Variants in SGCD observed in about 807,000 individuals in gnomAD.
SGCD encodes the protein delta-sarcoglycan.
In SGCD, 18 loss-of-function variants were observed where a neutral mutation model predicts 36.6. The observed-to-expected ratio is 0.49, with a 90% CI of 0.34 to 0.73. The LOEUF (loss-of-function observed/expected upper bound fraction) is 0.73, where lower values mean the gene tolerates loss of function less well. Ranked by LOEUF, SGCD falls within the 30% of genes least tolerant of loss-of-function variation. The pLI, the probability that SGCD is intolerant of heterozygous loss-of-function variation, is 0.01. For synonymous variants in SGCD, 133 were observed against 130.6 expected, an observed-to-expected ratio of 1.02 and a Z score of -0.12; for missense variants, 387 against 346.7, an observed-to-expected ratio of 1.12 and a Z score of -0.92.
intron 2 of SGCD, among the ~76,000 whole-genome samples, chr5:156,120,440 A>G (rs1174922087): frequency 6.6e-6 from 1 of 152,330 alleles, no homozygotes; most frequent in East Asian, 1.9e-4. Flanking sequence ...GGGCAACGTT[A>G]GGAAATTACA....
chr5:156,050,235 A>C, intron 1 of SGCD, among the ~76,000 whole-genome samples: 1 of 146,514 alleles, frequency 6.8e-6, no homozygotes, highest in Non-Finnish European at 1.5e-5. Flanking sequence ...AGAAATCGCC[A>C]CAGCAACCTT....
At chr5:156,167,740 G>A (rs996117213) in intron 3 of SGCD, among the ~76,000 whole-genome samples, 5 of 152,096 alleles carry the variant, frequency 3.3e-5, no homozygotes, top group South Asian at 2.1e-4. Context: ...ACCATAAGCC[G>A]AGGAAATAAA....
chr5:156,097,181 GT>G (rs1368270326), intron 1 of SGCD, among the ~76,000 whole-genome samples: 1 of 151,624 alleles, frequency 6.6e-6, no homozygotes, highest in Non-Finnish European at 1.5e-5. Flanking sequence ...TTTTGTTCTG[GT>G]TTTCTCTAGG....
At chr5:156,678,411 C>T (rs1246243915) in intron 7 of SGCD, among the ~76,000 whole-genome samples, 1 of 152,090 alleles carries the variant, frequency 6.6e-6, no homozygotes, top group Non-Finnish European at 1.5e-5. Flanking sequence ...TACAGTTGAC[C>T]TTATAACAGT....
intron 3 of SGCD, among the ~76,000 whole-genome samples, chr5:156,479,616 A>T (rs2127836925): frequency 6.6e-6 from 1 of 152,248 alleles, no homozygotes; most frequent in Non-Finnish European, 1.5e-5. Flanking sequence ...GTGGCATCTT[A>T]CCTATGCTCA....
At chr5:155,943,715 A>G (rs1217354691) in intron 1 of SGCD, among the ~76,000 whole-genome samples, 1 of 152,158 alleles carries the variant, frequency 6.6e-6, no homozygotes, top group Non-Finnish European at 1.5e-5. Flanking sequence ...GCTCAACCCT[A>G]CAGGAAGTGG....
chr5:156,739,074 G>A (rs1756528235), intron 7 of SGCD, among the ~76,000 whole-genome samples: 1 of 152,090 alleles, frequency 6.6e-6, no homozygotes, highest in African/African-American at 2.4e-5. Context: ...TTAAGAGGGG[G>A]AAACATCTAA....
At chr5:156,223,241 A>G (rs1439580703) in intron 3 of SGCD, among the ~76,000 whole-genome samples, 2 of 152,090 alleles carry the variant, frequency 1.3e-5, no homozygotes, top group African/African-American at 4.8e-5. Context: ...ATGACACAAG[A>G]TTGTGGAAAC....
chr5:156,658,711 T>C (rs1763788033), intron 7 of SGCD, among the ~76,000 whole-genome samples: 1 of 22,750 alleles, frequency 4.4e-5, no homozygotes, highest in African/African-American at 3.8e-4. Context: ...GCCATCATCA[T>C]CATGGCCCGT....
At chr5:155,975,616 T>TCC (rs1268190104) in intron 1 of SGCD, among the ~76,000 whole-genome samples, 2 of 62,100 alleles carry the variant, frequency 3.2e-5, no homozygotes, top group Non-Finnish European at 6.0e-5. Context: ...TTCCTTTTTT[T>TCC]TTTTTTTTTT....
At chr5:156,689,512 G>T (rs73302821) in intron 7 of SGCD, among the ~76,000 whole-genome samples, 4,020 of 152,202 alleles carry the variant, frequency 0.026, 179 homozygotes, top group African/African-American at 0.092. Context: ...GGGGGAAAGT[G>T]GTACTTGAGT....
At chr5:156,168,689 T>A (rs1763270377) in intron 3 of SGCD, among the ~76,000 whole-genome samples, 2 of 152,204 alleles carry the variant, frequency 1.3e-5, no homozygotes. Flanking sequence ...CTAATAATCC[T>A]CGTAGAGAGC....
chr5:156,621,344 C>CA (rs1187901958), intron 6 of SGCD, among the ~76,000 whole-genome samples: 1 of 152,108 alleles, frequency 6.6e-6, no homozygotes, highest in Non-Finnish European at 1.5e-5. Context: ...GGTGTGCTAC[C>CA]ACCATGCCCA....
chr5:156,189,080 C>A (rs564102658), intron 3 of SGCD, among the ~76,000 whole-genome samples: 3 of 152,290 alleles, frequency 2.0e-5, no homozygotes, highest in South Asian at 2.1e-4. Flanking sequence ...CCAGGGGAAG[C>A]TTTCGCTTGA....
chr5:155,959,896 A>G (rs1757756060), intron 1 of SGCD, among the ~76,000 whole-genome samples: 2 of 152,110 alleles, frequency 1.3e-5, no homozygotes, highest in Admixed American at 1.3e-4. Context: ...TTTCAAGGTT[A>G]CATGCTAGTC....
intron 4 of SGCD, among the ~76,000 whole-genome samples, chr5:156,576,993 A>G (rs1031005520): frequency 3.3e-5 from 5 of 152,134 alleles, no homozygotes; most frequent in African/African-American, 1.2e-4. Context: ...GTCCTTGCCC[A>G]TGCCTATTTC....
intron 3 of SGCD, among the ~76,000 whole-genome samples, chr5:156,465,786 T>C (rs967339209): frequency 2.0e-5 from 3 of 152,204 alleles, no homozygotes; most frequent in Admixed American, 6.5e-5. Flanking sequence ...GGAAGTTGGA[T>C]AGAGATTTGG....
At chr5:156,567,658 A>T (rs1269472479) in intron 4 of SGCD, among the ~76,000 whole-genome samples, 2 of 152,194 alleles carry the variant, frequency 1.3e-5, no homozygotes, top group Non-Finnish European at 2.9e-5. Flanking sequence ...AGAGTCCACT[A>T]CTTTAGATGT....
At chr5:155,908,808 C>T (rs1470393670) in intron 1 of SGCD, among the ~76,000 whole-genome samples, 1 of 152,026 alleles carries the variant, frequency 6.6e-6, no homozygotes, top group African/African-American at 2.4e-5. Context: ...CTAAATTGAC[C>T]CACTTGAGCA....
Sources: allele counts gnomAD v4.1 joint callset (sites outside exome capture counted in the v4.1 genomes callset), GRCh38; gene constraint gnomAD v4.1.1; transcripts MANE v1.5; gene names NCBI Gene and HGNC (gene_info 2026-07-23, HGNC 2026-07-21).